KPNA6: variants seen among roughly 807,000 people sequenced by gnomAD.
The protein encoded by KPNA6 is importin subunit alpha-7.
A neutral mutation model predicts 72.0 loss-of-function variants in KPNA6; 9 were observed. The observed-to-expected ratio is 0.13, with a 90% CI of 0.08 to 0.22. The LOEUF (loss-of-function observed/expected upper bound fraction) is 0.22. Among genes scored for constraint, KPNA6 ranks in the 10% least tolerant of loss-of-function variants. KPNA6 has a pLI of 1.00. For synonymous variants in KPNA6, 219 were observed against 242.1 expected (o/e 0.90, Z 0.89); for missense variants, 374 against 655.7 (o/e 0.57, Z 4.69).
At chr1:32,164,320 C>G (rs1007843990) in intron 10 of KPNA6, among the ~76,000 whole-genome samples, 1 of 152,106 alleles carries the variant, frequency 6.6e-6, no homozygotes, top group Non-Finnish European at 1.5e-5. Flanking sequence ...TTGTTTCCAC[C>G]TTTTGGCTAT....
At chr1:32,119,704 T>G (rs1411075548) in intron 1 of KPNA6, among the ~76,000 whole-genome samples, 1 of 152,006 alleles carries the variant, frequency 6.6e-6, no homozygotes, top group Non-Finnish European at 1.5e-5. Flanking sequence ...TTCGCATCCT[T>G]TCCACAATTC....
chr1:32,124,589 C>T (rs920950956), intron 1 of KPNA6, among the ~76,000 whole-genome samples: 5 of 151,698 alleles, frequency 3.3e-5, no homozygotes, highest in East Asian at 1.9e-4. Context: ...TCACTGCAAC[C>T]TCTGCCTCCT....
intron 2 of KPNA6, among the ~76,000 whole-genome samples, chr1:32,155,310 C>CTATTCTTTTTT (rs1642117702): frequency 2.8e-5 from 4 of 142,392 alleles, no homozygotes; most frequent in African/African-American, 7.7e-5. Context: ...GTTACCTTTT[C>CTATTCTTTTTT]TTTTCTTTTT....
At chr1:32,127,967 C>A (rs1288022023) in intron 1 of KPNA6, among the ~76,000 whole-genome samples, 1 of 152,074 alleles carries the variant, frequency 6.6e-6, no homozygotes, top group Non-Finnish European at 1.5e-5. Flanking sequence ...TGGTTATCTG[C>A]AACACACACA....
chr1:32,157,620 G>C (rs769938914), intron 4 of KPNA6, among the ~76,000 whole-genome samples, 175 bp downstream of exon 4: 1 of 152,144 alleles, frequency 6.6e-6, no homozygotes, highest in African/African-American at 2.4e-5. Context: ...TCCTCTGCCT[G>C]ATGTCCTCTA....
chr1:32,157,886 A>T (rs906774794), intron 4 of KPNA6, among the ~76,000 whole-genome samples: 1 of 152,208 alleles, frequency 6.6e-6, no homozygotes, highest in Admixed American at 6.5e-5. Flanking sequence ...AATTTAATGT[A>T]TGATTGGAAA....
intron 1 of KPNA6, among the ~76,000 whole-genome samples, chr1:32,136,606 A>C (rs986850828): frequency 8.5e-5 from 13 of 152,166 alleles, no homozygotes; most frequent in Non-Finnish European, 1.8e-4. Flanking sequence ...TTTTGTAATA[A>C]TATATTATCA....
chr1:32,170,666 A>G (rs1377101330), intron 13 of KPNA6, 41 bp from the exon 14 acceptor site: 2 of 1,564,160 alleles, frequency 1.3e-6, no homozygotes, highest in African/African-American at 1.4e-5. Flanking sequence ...GCCCATAGAA[A>G]AGCACTCACA....
intron 9 of KPNA6, among the ~76,000 whole-genome samples, chr1:32,162,857 C>G (rs1381996188): frequency 1.4e-5 from 2 of 147,370 alleles, no homozygotes; most frequent in Admixed American, 6.8e-5. Context: ...AGAATCCCAG[C>G]ACTTTGGGAG....
Position 32,166,156 on chromosome 1 carries a change from C to G in KPNA6, c.1042C>G (p.Pro348Ala), listed in dbSNP as rs1471590531. 2 of 1,614,062 alleles carry G rather than the reference C, an allele frequency of 1.2e-6. No individual in the cohort carries two copies. Among genetic ancestry groups the G allele is most frequent in the Non-Finnish European group, 1.7e-6 (2 of 1,179,972 alleles). ...LPCLLHLLSSPKESIRKEACW... is the reference protein window; with the variant it reads ...LPCLLHLLSSAKESIRKEACW... Reference sequence around the variant, plus strand: ...TTGCCTTCTCCACTTGTTGAGCAGTCCCAAGGAGTCAATCCGGAAGGAAGC... The same window carrying G: ...TTGCCTTCTCCACTTGTTGAGCAGTGCCAAGGAGTCAATCCGGAAGGAAGC... Residue 348 changes from proline to alanine, a missense_variant, in exon 11 of 14, where the codon CCC becomes GCC. Transcript: ENST00000373625.
intron 1 of KPNA6, among the ~76,000 whole-genome samples, chr1:32,148,081 T>G (rs2124038666): frequency 6.6e-6 from 1 of 152,262 alleles, no homozygotes; most frequent in South Asian, 2.1e-4. Flanking sequence ...TTTCATCAGT[T>G]TGATTATGTG....
intron 1 of KPNA6, among the ~76,000 whole-genome samples, chr1:32,138,611 C>T (rs1256998247): frequency 6.6e-6 from 1 of 151,226 alleles, no homozygotes; most frequent in Non-Finnish European, 1.5e-5. Flanking sequence ...AGTGGGGGCT[C>T]CTCCTGCTGA....
rs1356704374 is a variant in KPNA6 at position 32,147,660 on chromosome 1, T to C, written c.5-6928T>C. ...TTCGTGATTTCTTTTCTTTTTTTTT[T>C]TTTTTTTTTTTTTTTTTGAGACAGG... is the stretch of plus-strand genomic sequence containing the variant. On this transcript the variant is annotated intron_variant, in intron 1 of 13. Coordinates refer to ENST00000373625, the MANE Select transcript of KPNA6 (RefSeq NM_012316.5). Among the ~76,000 whole-genome samples the C allele has an allele frequency of 2.2e-3, 303 of 136,006 alleles. 1 individual carries two copies. The highest frequency in any genetic ancestry group is 7.8e-3 in the African/African-American group (275 of 35,208). 89.2% of individuals were successfully genotyped at this position (136,006 alleles called of 152,430 possible).
In KPNA6 at chr1:32,173,204, T is replaced by G; in HGVS notation, c.*2310T>G. On this transcript the variant is annotated 3_prime_UTR_variant, in exon 14 of 14. Coordinates refer to ENST00000373625, the MANE Select transcript of KPNA6 (RefSeq NM_012316.5). ...AAAAAAAAAAAAAAAAGCCTTCCCC[T>G]ACCCAACCTCCGCCCATTGTTCTCT... is the stretch of plus-strand genomic sequence containing the variant. 5.9e-6 allele frequency: 2 copies of G among 339,230 alleles called. No homozygotes were observed. The highest frequency in any genetic ancestry group is 5.2e-6 in the Non-Finnish European group (1 of 192,396). The allele number at this position is 339,230 out of a possible 1,614,324, so 21.0% of individuals were successfully genotyped here. A position where few individuals can be genotyped will look rare whatever the true frequency, so the allele number is the denominator to read the frequency against.
intron 3 of KPNA6, 52 bp downstream of exon 3, chr1:32,156,997 G>C (rs893046773): frequency 1.5e-6 from 2 of 1,376,342 alleles, no homozygotes; most frequent in Admixed American, 1.8e-5. Context: ...CTGCTTCTAA[G>C]GACAGAAATT....
intron 1 of KPNA6, among the ~76,000 whole-genome samples, chr1:32,152,369 A>C (rs1642046623): frequency 6.6e-6 from 1 of 152,130 alleles, no homozygotes. Context: ...ATGACAACTT[A>C]ATTTAATGGA....
chr1:32,131,605 T>TAC (rs753343778), intron 1 of KPNA6, among the ~76,000 whole-genome samples: 1 of 151,656 alleles, frequency 6.6e-6, no homozygotes, highest in Non-Finnish European at 1.5e-5. Context: ...CTTAAGTCTA[T>TAC]ACACACACAT....
intron 1 of KPNA6, among the ~76,000 whole-genome samples, chr1:32,148,417 TTCA>T (rs1228424547): frequency 6.6e-6 from 1 of 152,156 alleles, no homozygotes; most frequent in Non-Finnish European, 1.5e-5. Context: ...TGTGTATATC[TTCA>T]TTAGAGTTCA....
intron 1 of KPNA6, among the ~76,000 whole-genome samples, chr1:32,138,970 G>T (rs1641790789): frequency 6.6e-6 from 1 of 151,786 alleles, no homozygotes; most frequent in South Asian, 2.1e-4. Context: ...TTTTTAGTAA[G>T]AAATTCTTCT....
Sources: allele counts gnomAD v4.1 joint callset (sites outside exome capture counted in the v4.1 genomes callset), GRCh38; gene constraint gnomAD v4.1.1; transcripts MANE v1.5; gene names NCBI Gene and HGNC (gene_info 2026-07-23, HGNC 2026-07-21).